Variants in C3orf80 observed in about 807,000 individuals in gnomAD.
C3orf80 encodes chromosome 3 open reading frame 80.
C3orf80 carries 10 observed loss-of-function variants against 15.8 expected under a neutral mutation model. The observed-to-expected ratio is 0.63, with a 90% CI of 0.39 to 1.07. The LOEUF is 1.07. Ranked by LOEUF, C3orf80 falls within the 50% of genes least tolerant of loss-of-function variation. C3orf80 has a pLI of 0.01. For synonymous variants in C3orf80, 183 were observed against 192.0 expected, an observed-to-expected ratio of 0.95 and a Z score of 0.39; for missense variants, 364 against 379.3, an observed-to-expected ratio of 0.96 and a Z score of 0.34.
rs1262909270 is a variant in C3orf80 at position 160,226,294 on chromosome 3, T to C, written c.659T>C (p.Val220Ala). 9 of 1,518,866 alleles carry C rather than the reference T, an allele frequency of 5.9e-6. No individual in the cohort carries two copies. In the Admixed American group the frequency reaches 1.8e-4, roughly 31 times the overall value. 94.1% of individuals were successfully genotyped at this position (1,518,866 alleles called of 1,614,324 possible). A position where few individuals can be genotyped will look rare whatever the true frequency, so the allele number is the denominator to read the frequency against. The change falls in exon 1 of 1, where the codon GTG becomes GCG. Residue 220 changes from valine to alanine, a missense_variant. Val to Ala is a moderately conservative substitution (Grantham distance 64). Transcript: ENST00000326474. The surrounding 1 kb of genome is among the most constrained non-coding windows in gnomAD (Gnocchi z 5.2). ...CAGCAGCTCAGCCCCGGGGAGGTCG[T>C]GCTGCCAGTGTCGGTGCTTGGCCGC... ...RLQQLSPGEV[V>A]LPVSVLGRPR...
Position 160,227,267 on chromosome 3 carries a change from C to T in C3orf80, c.*888C>T, listed in dbSNP as rs1576693538. ...GGTCAGGAAATTGCCCATACTCTGT[C>T]ATTATTGTTTAATAAATCATTAAAT... On this transcript the variant is annotated 3_prime_UTR_variant, in exon 1 of 1. Transcript: ENST00000326474. 2 of 152,002 alleles carry T rather than the reference C, an allele frequency of 1.3e-5. No homozygotes were observed. Among genetic ancestry groups the T allele is most frequent in the African/African-American group, 4.8e-5 (2 of 41,354 alleles). The allele number at this position is 152,002 out of a possible 1,614,324, so 9.4% of individuals were successfully genotyped here.
chr3:160,226,621 C>T lies in C3orf80; in HGVS notation c.*242C>T. The T allele has an allele frequency of 2.2e-6, 1 of 462,844 alleles. No individual in the cohort carries two copies. Among genetic ancestry groups the T allele is most frequent in the Non-Finnish European group, 3.7e-6 (1 of 267,250 alleles). The allele number at this position is 462,844 out of a possible 1,614,324, so 28.7% of individuals were successfully genotyped here. A position where few individuals can be genotyped will look rare whatever the true frequency, so the allele number is the denominator to read the frequency against. ...GGCGGGTGCGGCTGCAGCAGGCGAC[C>T]CTCCAGCGCACCTTCGAAGGACGTC... On this transcript the variant is annotated 3_prime_UTR_variant, in exon 1 of 1. Coordinates refer to ENST00000326474, the MANE Select transcript of C3orf80 (RefSeq NM_001168214.2). This position sits in a 1 kb window ranked among gnomAD's most constrained non-coding sequence, Gnocchi z 5.2.
chr3:160,226,114 G>C lies in C3orf80; in HGVS notation c.479G>C (p.Ser160Thr). 1 of 1,517,984 alleles carries C rather than the reference G, an allele frequency of 6.6e-7. No individual in the cohort carries two copies. Among genetic ancestry groups the C allele is most frequent in the Non-Finnish European group, 8.8e-7 (1 of 1,139,498 alleles). The allele number at this position is 1,517,984 out of a possible 1,614,324, so 94.0% of individuals were successfully genotyped here. A position where few individuals can be genotyped will look rare whatever the true frequency, so the allele number is the denominator to read the frequency against. ...AAGSQDSLLD[S>T]GGGGRGRGGG... ...GGCTCTCAGGACTCACTGCTGGACA[G>C]TGGCGGCGGCGGCCGGGGCCGGGGA... The change falls in exon 1 of 1, where the codon AGT (serine) becomes ACT (threonine). Residue 160 changes from serine to threonine, a missense_variant. Transcript: ENST00000326474. This position sits in a 1 kb window ranked among gnomAD's most constrained non-coding sequence, Gnocchi z 5.2.
Position 160,226,542 on chromosome 3 carries a change from G to T in C3orf80, c.*163G>T. On this transcript the variant is annotated 3_prime_UTR_variant, in exon 1 of 1. Coordinates refer to ENST00000326474, the MANE Select transcript of C3orf80 (RefSeq NM_001168214.2). This position sits in a 1 kb window ranked among gnomAD's most constrained non-coding sequence, Gnocchi z 5.2. ...CACTCGTCTCCCTCGCGTTCTCCCG[G>T]GATCTTATGTTTCTCTGCGTTTCAT... is the stretch of plus-strand genomic sequence containing the variant. The T allele has an allele frequency of 1.4e-6, 1 of 710,030 alleles. No individual in the cohort carries two copies. The highest frequency in any genetic ancestry group is 3.0e-5 in the South Asian group (1 of 33,566). 44.0% of individuals were successfully genotyped at this position (710,030 alleles called of 1,614,324 possible).
Position 160,225,521 on chromosome 3 carries a change from C to G in C3orf80, c.-115C>G. 1 of 1,032,954 alleles carries G rather than the reference C, an allele frequency of 9.7e-7. No individual in the cohort carries two copies. Among genetic ancestry groups the G allele is most frequent in the Non-Finnish European group, 1.2e-6 (1 of 806,032 alleles). 64.0% of individuals were successfully genotyped at this position (1,032,954 alleles called of 1,614,324 possible). On this transcript the variant is annotated 5_prime_UTR_variant, in exon 1 of 1. Coordinates refer to ENST00000326474, the MANE Select transcript of C3orf80 (RefSeq NM_001168214.2). The surrounding 1 kb of genome is among the most constrained non-coding windows in gnomAD (Gnocchi z 5.6). ...GCTCCGGCCGCAGGTAGCTGAGGCG[C>G]GGGAGGCGGCGCGCGCGGGACCCGA...
Position 160,225,895 on chromosome 3 carries a change from T to C in C3orf80, c.260T>C (p.Ile87Thr). ...GTCCGCAAGCTCTCCGGGCTGCTCATCCTGCTGGTGCTCTTCGCCATCGGC... is the reference window on the plus strand; with the variant it reads ...GTCCGCAAGCTCTCCGGGCTGCTCACCCTGCTGGTGCTCTTCGCCATCGGC... ...WFVRKLSGLL[I>T]LLVLFAIGYF... The change falls in exon 1 of 1, where the codon ATC (isoleucine) becomes ACC (threonine). Residue 87 changes from isoleucine (I) to threonine (T), a missense_variant. By Grantham distance (89) the Ile-to-Thr change is moderately conservative. Coordinates refer to ENST00000326474, the MANE Select transcript of C3orf80 (RefSeq NM_001168214.2). This position sits in a 1 kb window ranked among gnomAD's most constrained non-coding sequence, Gnocchi z 5.6. 1 of 1,486,900 alleles carries C rather than the reference T, an allele frequency of 6.7e-7. No individual in the cohort carries two copies. Among genetic ancestry groups the C allele is most frequent in the Non-Finnish European group, 8.9e-7 (1 of 1,122,874 alleles). 92.1% of individuals were successfully genotyped at this position (1,486,900 alleles called of 1,614,324 possible). A position where few individuals can be genotyped will look rare whatever the true frequency, so the allele number is the denominator to read the frequency against.
Position 160,225,734 on chromosome 3 carries a change from G to C in C3orf80, c.99G>C (p.Ala33=). 7.3e-7 allele frequency: 1 copy of C among 1,361,090 alleles called. No individual in the cohort carries two copies. The highest frequency in any genetic ancestry group is 9.4e-7 in the Non-Finnish European group (1 of 1,066,890). 84.3% of individuals were successfully genotyped at this position (1,361,090 alleles called of 1,614,324 possible). A position where few individuals can be genotyped will look rare whatever the true frequency, so the allele number is the denominator to read the frequency against. ...TACTGCTGGCGCTGGCGCTGGTGGC[G>C]CCCTCGCGGGGCGGCGGGGGCTGCG... The part of the protein sequence containing the change: ...LLLLLALALV[A]PSRGGGGCAE... Residue 33 remains alanine (A), a synonymous_variant, in exon 1 of 1, where the codon GCG becomes GCC. Transcript: ENST00000326474. The surrounding 1 kb of genome is among the most constrained non-coding windows in gnomAD (Gnocchi z 5.6).
chr3:160,226,021 T>TG lies in C3orf80; in HGVS notation c.392dup (p.Ala132ArgfsTer153). ...GGGCCTCCGGGGGGCGCCGGACCGCTGGGGGGCGCGGGGCCGCCCGACGAC... is the reference window on the plus strand; with the variant it reads ...GGGCCTCCGGGGGGCGCCGGACCGCTGGGGGGGCGCGGGGCCGCCCGACGAC... On this transcript the variant is annotated frameshift_variant, in exon 1 of 1. Transcript: ENST00000326474. LOFTEE classifies it high-confidence loss of function. The surrounding 1 kb of genome is among the most constrained non-coding windows in gnomAD (Gnocchi z 5.2). 2.2e-6 allele frequency: 3 copies of TG among 1,347,476 alleles called. No homozygotes were observed. Among genetic ancestry groups the TG allele is most frequent in the Non-Finnish European group, 2.8e-6 (3 of 1,056,792 alleles). The allele number at this position is 1,347,476 out of a possible 1,614,324, so 83.5% of individuals were successfully genotyped here. A position where few individuals can be genotyped will look rare whatever the true frequency, so the allele number is the denominator to read the frequency against.
rs751410853 is a variant in C3orf80 at position 160,226,232 on chromosome 3, C to A, written c.597C>A (p.Val199=). The A allele has an allele frequency of 4.6e-6, 7 of 1,531,348 alleles. No individual in the cohort carries two copies. The highest frequency in any genetic ancestry group is 6.1e-6 in the Non-Finnish European group (7 of 1,144,804). The allele number at this position is 1,531,348 out of a possible 1,614,324, so 94.9% of individuals were successfully genotyped here. A position where few individuals can be genotyped will look rare whatever the true frequency, so the allele number is the denominator to read the frequency against. Residue 199 remains valine, a synonymous_variant, in exon 1 of 1, where the codon GTC becomes GTA. Coordinates refer to ENST00000326474, the MANE Select transcript of C3orf80 (RefSeq NM_001168214.2). This position sits in a 1 kb window ranked among gnomAD's most constrained non-coding sequence, Gnocchi z 5.2. ...VFLQLPSYEE[V]KYLPTYEESM... is the part of the protein sequence containing the mutation. Reference sequence around the variant, plus strand: ...TGCAGCTGCCCAGCTACGAGGAGGTCAAGTATCTGCCCACCTACGAGGAGT... The same window carrying A: ...TGCAGCTGCCCAGCTACGAGGAGGTAAAGTATCTGCCCACCTACGAGGAGT...
Position 160,227,277 on chromosome 3 carries a change from TAATA to T in C3orf80, c.*902_*905del. The T allele has an allele frequency of 6.6e-6, 1 of 152,310 alleles. No individual in the cohort carries two copies. The highest frequency in any genetic ancestry group is 2.4e-5 in the African/African-American group (1 of 41,552). 9.4% of individuals were successfully genotyped at this position (152,310 alleles called of 1,614,324 possible). ...TTGCCCATACTCTGTCATTATTGTT[TAATA>T]AATCATTAAATTATTTCATTAAAAA... On this transcript the variant is annotated 3_prime_UTR_variant, in exon 1 of 1. Transcript: ENST00000326474.
Position 160,226,121 on chromosome 3 carries a change from CGGCGGCCGGGGCCGGGGA to C in C3orf80, c.493_510del (p.Arg165_Gly170del), listed in dbSNP as rs1457646340. On this transcript the variant is annotated inframe_deletion, in exon 1 of 1. Coordinates refer to ENST00000326474, the MANE Select transcript of C3orf80 (RefSeq NM_001168214.2). This position sits in a 1 kb window ranked among gnomAD's most constrained non-coding sequence, Gnocchi z 5.2. ...AGGACTCACTGCTGGACAGTGGCGG[CGGCGGCCGGGGCCGGGGA>C]GGCGGCGGGCGCTCGGACCCCTCCT... 1.3e-5 allele frequency: 20 copies of C among 1,517,098 alleles called. No individual in the cohort carries two copies. Among genetic ancestry groups the C allele is most frequent in the Non-Finnish European group, 8.8e-7 (1 of 1,139,110 alleles). 94.0% of individuals were successfully genotyped at this position (1,517,098 alleles called of 1,614,324 possible).
rs757520939 is a variant in C3orf80 at position 160,226,167 on chromosome 3, G to C, written c.532G>C (p.Ala178Pro). The C allele has an allele frequency of 6.2e-5, 95 of 1,527,412 alleles. No homozygotes were observed. The East Asian group carries it at 2.3e-3, about 37-fold the overall frequency. 94.6% of individuals were successfully genotyped at this position (1,527,412 alleles called of 1,614,324 possible). A position where few individuals can be genotyped will look rare whatever the true frequency, so the allele number is the denominator to read the frequency against. ...CGGCGGGCGCTCGGACCCCTCCTGC[G>C]CCTCAGAGCACGAGATGCGTGTAGT... ...GGGGRSDPSC[A>P]SEHEMRVVSP... The change falls in exon 1 of 1, where the codon GCC becomes CCC. Residue 178 changes from alanine to proline, a missense_variant. By Grantham distance (27) the Ala-to-Pro change is conservative. Transcript: ENST00000326474. The surrounding 1 kb of genome is among the most constrained non-coding windows in gnomAD (Gnocchi z 5.2).
Position 160,226,346 on chromosome 3 carries a change from C to G in C3orf80, c.711C>G (p.Pro237=), listed in dbSNP as rs1384798842. The change falls in exon 1 of 1, where the codon CCC becomes CCG. Residue 237 remains proline (P), a synonymous_variant. Transcript: ENST00000326474. This position sits in a 1 kb window ranked among gnomAD's most constrained non-coding sequence, Gnocchi z 5.2. ...GRPRGGVAAE[P]DGGEGRYPLI Reference sequence around the variant, plus strand: ...CTCGAGGCGGGGTCGCCGCGGAGCCCGACGGCGGCGAGGGCCGCTACCCTC... The same window carrying G: ...CTCGAGGCGGGGTCGCCGCGGAGCCGGACGGCGGCGAGGGCCGCTACCCTC... 2.0e-6 allele frequency: 3 copies of G among 1,493,582 alleles called. No homozygotes were observed. In the Admixed American group the frequency reaches 6.4e-5, roughly 32 times the overall value. The allele number at this position is 1,493,582 out of a possible 1,614,324, so 92.5% of individuals were successfully genotyped here. A position where few individuals can be genotyped will look rare whatever the true frequency, so the allele number is the denominator to read the frequency against.
At position 160,225,659 on chromosome 3, in the gene C3orf80, TG is replaced by T; in HGVS notation, c.25del (p.Glu9ArgfsTer177). On this transcript the variant is annotated frameshift_variant, in exon 1 of 1. Transcript: ENST00000326474. LOFTEE classifies it high-confidence loss of function. This position sits in a 1 kb window ranked among gnomAD's most constrained non-coding sequence, Gnocchi z 5.6. The stretch of plus-strand genomic sequence containing the variant: ...CCATGTGGGGACCCGGGGTCACTGC[TG>T]AGGGCCTGTCGGTGGCTCCGGCGCC... MWGPGVTA[E>X]GLSVAPAPPP... 7.2e-7 allele frequency: 1 copy of T among 1,395,326 alleles called. No homozygotes were observed. The highest frequency in any genetic ancestry group is 9.3e-7 in the Non-Finnish European group (1 of 1,079,674). 86.4% of individuals were successfully genotyped at this position (1,395,326 alleles called of 1,614,324 possible).
At position 160,226,164 on chromosome 3, in the gene C3orf80, T is replaced by A. The variant is rs1711498991; in HGVS notation, c.529T>A (p.Cys177Ser). The A allele has an allele frequency of 6.5e-7, 1 of 1,527,146 alleles. No individual in the cohort carries two copies. Among genetic ancestry groups the A allele is most frequent in the Non-Finnish European group, 8.7e-7 (1 of 1,143,380 alleles). The allele number at this position is 1,527,146 out of a possible 1,614,324, so 94.6% of individuals were successfully genotyped here. ...RGGGGRSDPS[C>S]ASEHEMRVVS... ...AGGCGGCGGGCGCTCGGACCCCTCCTGCGCCTCAGAGCACGAGATGCGTGT... is the reference window on the plus strand; with the variant it reads ...AGGCGGCGGGCGCTCGGACCCCTCCAGCGCCTCAGAGCACGAGATGCGTGT... The change falls in exon 1 of 1, where the codon TGC (cysteine) becomes AGC (serine). Residue 177 changes from cysteine (C) to serine (S), a missense_variant. Coordinates refer to ENST00000326474, the MANE Select transcript of C3orf80 (RefSeq NM_001168214.2). This position sits in a 1 kb window ranked among gnomAD's most constrained non-coding sequence, Gnocchi z 5.2.
In C3orf80 at chr3:160,226,089, G is replaced by A. The variant is rs1408054517; in HGVS notation, c.454G>A (p.Gly152Ser). The change falls in exon 1 of 1, where the codon GGC becomes AGC. Residue 152 changes from glycine (G) to serine (S), a missense_variant. Gly to Ser is a moderately conservative substitution (Grantham distance 56, BLOSUM62 0). Transcript: ENST00000326474. The surrounding 1 kb of genome is among the most constrained non-coding windows in gnomAD (Gnocchi z 5.2). Reference protein sequence around the residue: ...PALLRDEAAAGSQDSLLDSGG... With the variant: ...PALLRDEAAASSQDSLLDSGG... The stretch of plus-strand genomic sequence containing the variant: ...TCTGCTGCGCGACGAGGCGGCAGCC[G>A]GCTCTCAGGACTCACTGCTGGACAG... 1.4e-6 allele frequency: 2 copies of A among 1,467,682 alleles called. No homozygotes were observed. The highest frequency in any genetic ancestry group is 1.8e-6 in the Non-Finnish European group (2 of 1,116,076). 90.9% of individuals were successfully genotyped at this position (1,467,682 alleles called of 1,614,324 possible). A position where few individuals can be genotyped will look rare whatever the true frequency, so the allele number is the denominator to read the frequency against.
rs1222062316 is a variant in C3orf80 at position 160,226,148 on chromosome 3, G to A, written c.513G>A (p.Gly171=). Residue 171 remains glycine (G), a synonymous_variant, in exon 1 of 1, where the codon GGG becomes GGA. Transcript: ENST00000326474. This position sits in a 1 kb window ranked among gnomAD's most constrained non-coding sequence, Gnocchi z 5.2. Reference sequence around the variant, plus strand: ...GCGGCCGGGGCCGGGGAGGCGGCGGGCGCTCGGACCCCTCCTGCGCCTCAG... The same window carrying A: ...GCGGCCGGGGCCGGGGAGGCGGCGGACGCTCGGACCCCTCCTGCGCCTCAG... ...GGGGRGRGGG[G]RSDPSCASEH... is the part of the protein sequence containing the mutation. 17 of 1,521,910 alleles carry A rather than the reference G, an allele frequency of 1.1e-5. No individual in the cohort carries two copies. Among genetic ancestry groups the A allele is most frequent in the Non-Finnish European group, 1.5e-5 (17 of 1,141,124 alleles). The allele number at this position is 1,521,910 out of a possible 1,614,324, so 94.3% of individuals were successfully genotyped here.
In C3orf80 at chr3:160,226,613, C is replaced by T. The variant is rs1397997482; in HGVS notation, c.*234C>T. 4.2e-6 allele frequency: 2 copies of T among 477,092 alleles called. No individual in the cohort carries two copies. The highest frequency in any genetic ancestry group is 7.2e-6 in the Non-Finnish European group (2 of 278,536). The allele number at this position is 477,092 out of a possible 1,614,324, so 29.6% of individuals were successfully genotyped here. ...GCACGCGCGGCGGGTGCGGCTGCAG[C>T]AGGCGACCCTCCAGCGCACCTTCGA... On this transcript the variant is annotated 3_prime_UTR_variant, in exon 1 of 1. Transcript: ENST00000326474. This position sits in a 1 kb window ranked among gnomAD's most constrained non-coding sequence, Gnocchi z 5.2.
Position 160,225,741 on chromosome 3 carries a change from C to T in C3orf80, c.106C>T (p.Arg36Trp). The T allele has an allele frequency of 7.3e-7, 1 of 1,362,042 alleles. No individual in the cohort carries two copies. The highest frequency in any genetic ancestry group is 9.4e-7 in the Non-Finnish European group (1 of 1,067,566). 84.4% of individuals were successfully genotyped at this position (1,362,042 alleles called of 1,614,324 possible). ...GGCGCTGGCGCTGGTGGCGCCCTCG[C>T]GGGGCGGCGGGGGCTGCGCTGAGCT... ...LLALALVAPS[R>W]GGGGCAELAC... Residue 36 changes from arginine to tryptophan, a missense_variant, in exon 1 of 1, where the codon CGG becomes TGG. Transcript: ENST00000326474. This position sits in a 1 kb window ranked among gnomAD's most constrained non-coding sequence, Gnocchi z 5.6.
Sources: allele counts gnomAD v4.1 joint callset, GRCh38; gene constraint gnomAD v4.1.1; non-coding constraint Gnocchi (gnomAD v3.1); transcripts MANE v1.5; gene names NCBI Gene and HGNC (gene_info 2026-07-23, HGNC 2026-07-21).